Variants in CNBD1 observed in about 807,000 individuals in gnomAD.
CNBD1 encodes cyclic nucleotide binding domain containing 1, also known as cyclic nucleotide-binding domain-containing protein 1.
CNBD1 carries 71 observed loss-of-function variants against 54.4 expected under a neutral mutation model. The observed-to-expected ratio is 1.30, with a 90% CI of 1.08 to 1.59. The LOEUF (loss-of-function observed/expected upper bound fraction) is 1.59. Among genes scored for constraint, CNBD1 ranks in the 40% most tolerant of loss-of-function variants. The probability of loss-of-function intolerance (pLI) is 0.00; values close to 1 mark genes in which losing one functional copy is unlikely to be tolerated. For missense variants in CNBD1, 659 were observed against 518.0 expected (o/e 1.27, Z -2.64); for synonymous variants, 182 against 170.7 (o/e 1.07, Z -0.51).
chr8:87,311,318 A>G (rs1156562911), intron 8 of CNBD1, among the ~76,000 whole-genome samples: 1 of 152,172 alleles, frequency 6.6e-6, no homozygotes, highest in Non-Finnish European at 1.5e-5. Flanking sequence ...CTTAAAGAAG[A>G]CATAAATGAA....
At chr8:86,984,557 A>G (rs1677090944) in intron 4 of CNBD1, among the ~76,000 whole-genome samples, 1 of 152,188 alleles carries the variant, frequency 6.6e-6, no homozygotes, top group Admixed American at 6.5e-5. Context: ...CTGCAAAGCC[A>G]TAGGGACAGA....
intron 4 of CNBD1, among the ~76,000 whole-genome samples, chr8:87,128,973 G>T (rs567497173): frequency 2.1e-5 from 3 of 145,650 alleles, no homozygotes; most frequent in African/African-American, 5.1e-5. Flanking sequence ...TGTAGTCCCA[G>T]CTACTCAGGA....
At chr8:87,396,656 C>A (rs1811412795) in intron 2 of CNBD1, among the ~76,000 whole-genome samples, 1 of 151,424 alleles carries the variant, frequency 6.6e-6, no homozygotes, top group South Asian at 2.1e-4. Context: ...TATTATAGCT[C>A]TTATCTGTTT....
intron 2 of CNBD1, among the ~76,000 whole-genome samples, chr8:86,899,835 G>A (rs1288744090): frequency 1.3e-5 from 2 of 152,088 alleles, no homozygotes; most frequent in Non-Finnish European, 2.9e-5. Context: ...ATCAAGCTAA[G>A]CTACTCCATT....
intron 4 of CNBD1, among the ~76,000 whole-genome samples, chr8:87,088,108 G>A (rs1811138636): frequency 6.6e-6 from 1 of 152,154 alleles, no homozygotes; most frequent in African/African-American, 2.4e-5. Context: ...TAGTTTGTAT[G>A]TGTGTCTGCT....
chr8:87,106,481 A>G (rs2130699165), intron 4 of CNBD1, among the ~76,000 whole-genome samples: 1 of 152,206 alleles, frequency 6.6e-6, no homozygotes, highest in East Asian at 1.9e-4. Context: ...CAAGTGTGGG[A>G]ATTACAGGCA....
chr8:87,383,856 T>C (rs1244121748), downstream of CNBD1, among the ~76,000 whole-genome samples: 1 of 152,108 alleles, frequency 6.6e-6, no homozygotes. Context: ...GAGTTAAAAA[T>C]AGAATTTTGA....
chr8:86,890,941 T>G (rs188637495), intron 2 of CNBD1, among the ~76,000 whole-genome samples: 55 of 137,330 alleles, frequency 4.0e-4, no homozygotes, highest in Admixed American at 1.0e-3. Flanking sequence ...TTTTTAATTG[T>G]TTTTTTTTCC....
intron 6 of CNBD1, among the ~76,000 whole-genome samples, chr8:87,269,591 T>A (rs995513185): frequency 6.6e-6 from 1 of 152,128 alleles, no homozygotes; most frequent in Non-Finnish European, 1.5e-5. Context: ...ATCTATGATT[T>A]CTTTCAGCAG....
chr8:87,281,021 G>C (rs970437449), intron 6 of CNBD1, among the ~76,000 whole-genome samples: 1 of 151,462 alleles, frequency 6.6e-6, no homozygotes, highest in African/African-American at 2.4e-5. Context: ...GCTTTATAGT[G>C]TTGTCTCATT....
intron 10 of CNBD1, among the ~76,000 whole-genome samples, chr8:87,359,264 A>G (rs1490020088): frequency 1.4e-5 from 2 of 146,680 alleles, no homozygotes; most frequent in Non-Finnish European, 2.9e-5. Context: ...CATAGTCTGC[A>G]TACATCAGAC....
chr8:87,218,256 T>C (rs1814255006), intron 5 of CNBD1, among the ~76,000 whole-genome samples: 2 of 152,094 alleles, frequency 1.3e-5, no homozygotes, highest in Admixed American at 1.3e-4. Context: ...TAGGTGAATC[T>C]ATGCATTAAC....
chr8:87,381,405 T>C (rs1181358614), intron 10 of CNBD1, among the ~76,000 whole-genome samples: 4 of 152,116 alleles, frequency 2.6e-5, no homozygotes, highest in South Asian at 2.1e-4. Flanking sequence ...TGTGGAGAAA[T>C]TGGACTTTTT....
rs1356318570 is a variant in CNBD1, at chr8:87,182,649, GTTGAGCATTTTTTCATA to G, written c.432-23342_432-23326del. Among the ~76,000 whole-genome samples the G allele has an allele frequency of 6.6e-6, 1 of 151,936 alleles. No individual in the cohort carries two copies. Among genetic ancestry groups the G allele is most frequent in the Non-Finnish European group, 1.5e-5 (1 of 67,982 alleles). ...TTGCATTTCTCTAATAGCTGGTGAT[GTTGAGCATTTTTTCATA>G]TGTTTGCTGCCTGAATGTATGTCTT... On this transcript the variant is annotated intron_variant, in intron 4 of 10. Transcript: ENST00000518476. The surrounding 1 kb of genome is among the most constrained non-coding windows in gnomAD (Gnocchi z 4.1).
chr8:87,277,998 A>G (rs1808519362), intron 6 of CNBD1, among the ~76,000 whole-genome samples: 4 of 151,672 alleles, frequency 2.6e-5, no homozygotes, highest in African/African-American at 9.7e-5. Context: ...TGTGAACAAT[A>G]AATAAGAAAA....
At chr8:86,927,439 A>G (rs12676837) in intron 3 of CNBD1, among the ~76,000 whole-genome samples, 72,369 of 151,748 alleles carry the variant, frequency 0.48, 18,263 homozygotes, top group South Asian at 0.6. Flanking sequence ...CCTGAGAAGC[A>G]GACAAGCTGT....
At chr8:87,016,485 A>C (rs1489253877) in intron 4 of CNBD1, among the ~76,000 whole-genome samples, 3 of 151,696 alleles carry the variant, frequency 2.0e-5, no homozygotes, top group African/African-American at 7.3e-5. Flanking sequence ...TAGGGCAACA[A>C]CACCCTAAGC....
intron 10 of CNBD1, among the ~76,000 whole-genome samples, chr8:87,376,847 A>G (rs1810951086): frequency 6.6e-6 from 1 of 151,818 alleles, no homozygotes; most frequent in Admixed American, 6.6e-5. Flanking sequence ...TCCAAATCCC[A>G]TCTCTTACTC....
At position 87,228,034 on chromosome 8, in the gene CNBD1, G is replaced by A. The variant is rs558626547; in HGVS notation, c.578-8885G>A. Among the ~76,000 whole-genome samples the A allele has an allele frequency of 1.1e-3, 169 of 151,552 alleles. 1 individual carries two copies. Among genetic ancestry groups the A allele is most frequent in the Non-Finnish European group, 1.4e-3 (96 of 67,950 alleles). ...ACCCTTTCTTCCAGTTGATCGCATCGGCTCCTGAGGCTTCTGCATTCTTCC... is the reference window on the plus strand; with the variant it reads ...ACCCTTTCTTCCAGTTGATCGCATCAGCTCCTGAGGCTTCTGCATTCTTCC... On this transcript the variant is annotated intron_variant, in intron 5 of 10. Transcript: ENST00000518476.
Sources: allele counts gnomAD v4.1 joint callset (sites outside exome capture counted in the v4.1 genomes callset), GRCh38; gene constraint gnomAD v4.1.1; non-coding constraint Gnocchi (gnomAD v3.1); transcripts MANE v1.5; gene names NCBI Gene and HGNC (gene_info 2026-07-23, HGNC 2026-07-21).